DGKB: variants seen among roughly 807,000 people sequenced by gnomAD.
DGKB encodes the protein diacylglycerol kinase beta.
A neutral mutation model predicts 114.3 loss-of-function variants in DGKB; 67 were observed. The ratio of observed to expected loss-of-function variants is 0.59; its 90% CI spans 0.48 to 0.72. The LOEUF is 0.72. DGKB is among the 30% of genes least tolerant of loss of function. DGKB has a pLI of 0.00. For missense variants in DGKB, 907 were observed against 975.2 expected (o/e 0.93, Z 0.93); for synonymous variants, 398 against 323.1 (o/e 1.23, Z -2.49).
intron 20 of DGKB, among the ~76,000 whole-genome samples, chr7:14,529,706 A>G (rs1199668259): frequency 1.3e-5 from 2 of 151,806 alleles, no homozygotes; most frequent in East Asian, 1.9e-4. Flanking sequence ...ATTATTTGAC[A>G]TAGTGTTAAT....
chr7:14,471,551 A>C (rs527677276), intron 21 of DGKB, among the ~76,000 whole-genome samples: 1 of 151,070 alleles, frequency 6.6e-6, no homozygotes, highest in Non-Finnish European at 1.5e-5. Context: ...GTAATCTCAT[A>C]TTATTTATTT....
chr7:14,149,359 A>G (rs567153204), intron 25 of DGKB, 121 bp from the exon 26 acceptor site: 5 of 654,758 alleles, frequency 7.6e-6, no homozygotes, highest in African/African-American at 5.6e-5. Flanking sequence ...GAAACACCGC[A>G]AGTGTAAAAT....
At chr7:14,821,175 C>G (rs1485402655) in intron 2 of DGKB, among the ~76,000 whole-genome samples, 1 of 152,118 alleles carries the variant, frequency 6.6e-6, no homozygotes, top group East Asian at 1.9e-4. Context: ...CTTTTATCCC[C>G]TAACAAGTTT....
At chr7:14,315,478 C>T (rs1005274613) in intron 23 of DGKB, among the ~76,000 whole-genome samples, 3 of 151,562 alleles carry the variant, frequency 2.0e-5, no homozygotes, top group Non-Finnish European at 4.4e-5. Context: ...GCAGGGGTTG[C>T]AATCCTAGTC....
At chr7:14,689,979 A>G (rs1392409863) in intron 9 of DGKB, among the ~76,000 whole-genome samples, 1 of 152,206 alleles carries the variant, frequency 6.6e-6, no homozygotes, top group Non-Finnish European at 1.5e-5. Flanking sequence ...TTTGGCACAC[A>G]TATAGTGAGA....
At chr7:14,547,743 A>G (rs1794513068) in intron 20 of DGKB, among the ~76,000 whole-genome samples, 1 of 152,166 alleles carries the variant, frequency 6.6e-6, no homozygotes, top group Admixed American at 6.5e-5. Context: ...TTAAAAACAC[A>G]TGACAGCTAA....
intron 2 of DGKB, among the ~76,000 whole-genome samples, chr7:14,825,950 C>T (rs957604753): frequency 1.3e-5 from 2 of 152,156 alleles, no homozygotes; most frequent in Admixed American, 1.3e-4. Context: ...TAATTCTTGT[C>T]ATTTTTGTCA....
At chr7:14,898,096 G>C (rs747760217) in intron 1 of DGKB, among the ~76,000 whole-genome samples, 3 of 151,880 alleles carry the variant, frequency 2.0e-5, no homozygotes, top group Non-Finnish European at 4.4e-5. Flanking sequence ...AAAGACTGTT[G>C]GGCCCGTGGT....
chr7:14,307,274 G>T (rs142352163), intron 23 of DGKB, among the ~76,000 whole-genome samples: 34 of 145,130 alleles, frequency 2.3e-4, no homozygotes, highest in African/African-American at 7.6e-4. Context: ...TAAAACAAAA[G>T]AATTTTAATA....
chr7:14,155,465 C>G (rs1473980774), intron 25 of DGKB, among the ~76,000 whole-genome samples: 1 of 151,996 alleles, frequency 6.6e-6, no homozygotes, highest in Admixed American at 6.6e-5. Flanking sequence ...CCATTTAGAT[C>G]ATGGTGGAGG....
chr7:14,635,165 G>A (rs926042857), intron 13 of DGKB, among the ~76,000 whole-genome samples: 1 of 151,060 alleles, frequency 6.6e-6, no homozygotes, highest in African/African-American at 2.4e-5. Flanking sequence ...GAAATTTAAT[G>A]GTAAAATATA....
chr7:14,876,089 G>A (rs1371008821), intron 1 of DGKB, among the ~76,000 whole-genome samples: 1 of 152,132 alleles, frequency 6.6e-6, no homozygotes, highest in African/African-American at 2.4e-5. Context: ...ATCAAATTGA[G>A]GACTAGCTAA....
At chr7:14,373,582 T>C (rs530913972) in intron 21 of DGKB, among the ~76,000 whole-genome samples, 1 of 152,268 alleles carries the variant, frequency 6.6e-6, no homozygotes, top group South Asian at 2.1e-4. Flanking sequence ...CCTTAGCTAT[T>C]GGCTGATGCA....
At chr7:14,789,457 G>C (rs1473786999) in intron 2 of DGKB, among the ~76,000 whole-genome samples, 1 of 152,030 alleles carries the variant, frequency 6.6e-6, no homozygotes, top group Non-Finnish European at 1.5e-5. Flanking sequence ...CTATTCTGTG[G>C]TATAGGGCTA....
intron 23 of DGKB, among the ~76,000 whole-genome samples, chr7:14,236,374 A>G (rs528182238): frequency 1.7e-3 from 265 of 151,998 alleles, no homozygotes; most frequent in Non-Finnish European, 2.9e-3. Flanking sequence ...CTGCCAAAAA[A>G]AAGGAAAATT....
chr7:14,532,078 T>C (rs1791683536), intron 20 of DGKB, among the ~76,000 whole-genome samples: 1 of 151,342 alleles, frequency 6.6e-6, no homozygotes, highest in South Asian at 2.1e-4. Context: ...TCCATATCGT[T>C]CTCATAACTC....
chr7:14,703,570 C>A (rs1825599042), intron 6 of DGKB, among the ~76,000 whole-genome samples: 1 of 152,098 alleles, frequency 6.6e-6, no homozygotes. Flanking sequence ...AAGCACAGTC[C>A]CAGGTTATCA....
At chr7:14,792,161 G>A (rs961980548) in intron 2 of DGKB, among the ~76,000 whole-genome samples, 3 of 152,022 alleles carry the variant, frequency 2.0e-5, no homozygotes, top group African/African-American at 7.2e-5. Context: ...TACCTTTTGT[G>A]TTTTCTAGCT....
intron 21 of DGKB, among the ~76,000 whole-genome samples, chr7:14,448,098 G>A (rs112250003): frequency 7.2e-5 from 11 of 152,164 alleles, no homozygotes; most frequent in Admixed American, 3.9e-4. Context: ...GTGCAAGACA[G>A]TATGCTGAGT....
Sources: gnomAD v4.1 joint callset for allele counts (sites outside exome capture counted in the v4.1 genomes callset) on GRCh38, gnomAD v4.1.1 for gene constraint, MANE v1.5 for transcripts, NCBI Gene and HGNC (gene_info 2026-07-23, HGNC 2026-07-21) for gene names.